Variants in RBFOX1 observed in about 807,000 individuals in gnomAD.
RBFOX1 encodes RNA binding protein fox-1 homolog 1.
A neutral mutation model predicts 57.7 loss-of-function variants in RBFOX1; 8 were observed. The ratio of observed to expected loss-of-function variants is 0.14; its 90% CI spans 0.08 to 0.25. The LOEUF is 0.25. Among genes scored for constraint, RBFOX1 ranks in the 10% least tolerant of loss-of-function variants. The probability of loss-of-function intolerance (pLI) is 1.00; values close to 1 mark genes in which losing one functional copy is unlikely to be tolerated. For synonymous variants in RBFOX1, 326 were observed against 222.4 expected, an observed-to-expected ratio of 1.47 and a Z score of -4.15; for missense variants, 611 against 548.5, an observed-to-expected ratio of 1.11 and a Z score of -1.14.
chr16:6,500,063 G>C (rs977206677), intron 2 of RBFOX1, among the ~76,000 whole-genome samples: 1 of 152,106 alleles, frequency 6.6e-6, no homozygotes, highest in Non-Finnish European at 1.5e-5. Flanking sequence ...TGTGAACCGG[G>C]TGTGAATGAT....
At chr16:5,446,529 G>A (rs536727) in intron 1 of RBFOX1, among the ~76,000 whole-genome samples, 46,346 of 151,828 alleles carry the variant, frequency 0.31, 9,663 homozygotes, top group African/African-American at 0.59. Context: ...TTTCTGGGGA[G>A]ATCAACACCC....
At chr16:7,416,252 C>T (rs1242577000) in intron 4 of RBFOX1, among the ~76,000 whole-genome samples, 1 of 152,226 alleles carries the variant, frequency 6.6e-6, no homozygotes, top group Non-Finnish European at 1.5e-5. Context: ...TCTCCCCTCG[C>T]TCTCCCTTTC....
At chr16:6,648,120 G>T (rs1228518333) in intron 2 of RBFOX1, among the ~76,000 whole-genome samples, 4 of 152,282 alleles carry the variant, frequency 2.6e-5, no homozygotes, top group East Asian at 1.9e-4. Context: ...TGGGATTACA[G>T]GCATGAGCCA....
Position 5,630,701 on chromosome 16 carries a change from A to G in RBFOX1, c.318+31740A>G, listed in dbSNP as rs140610037. ...CAAGCCGGCTTCTTATTCTTTTTCT[A>G]TCCTGATGGACGTGGGCTTGTCATT... On this transcript the variant is annotated intron_variant, in intron 3 of 19. Transcript: ENST00000641259. Among the ~76,000 whole-genome samples, 592 of 152,178 alleles carry G rather than the reference A, an allele frequency of 3.9e-3. 5 individuals are homozygous for G. Among genetic ancestry groups the G allele is most frequent in the African/African-American group, 0.013 (539 of 41,528 alleles).
chr16:7,457,913 C>T (rs1336651992), intron 4 of RBFOX1, among the ~76,000 whole-genome samples: 1 of 152,148 alleles, frequency 6.6e-6, no homozygotes, highest in African/African-American at 2.4e-5. Context: ...CGTATATTCT[C>T]AGTCCCTCCA....
Position 6,871,846 on chromosome 16 carries a change from G to A in RBFOX1, c.-15-180211G>A, listed in dbSNP as rs138747521. Among the ~76,000 whole-genome samples the A allele has an allele frequency of 4.6e-4, 70 of 151,774 alleles. No individual in the cohort carries two copies. The East Asian group carries it at 0.011, about 24-fold the overall frequency. ...AAGTGCAGTTGCTGCTTAGCCTATCGTGTCCTAAATCCGCATCTGATGGCA... is the reference window on the plus strand; with the variant it reads ...AAGTGCAGTTGCTGCTTAGCCTATCATGTCCTAAATCCGCATCTGATGGCA... On this transcript the variant is annotated intron_variant, in intron 3 of 15. Transcript: ENST00000550418.
At chr16:6,230,678 A>G (rs1210144295) in intron 1 of RBFOX1, among the ~76,000 whole-genome samples, 1 of 152,180 alleles carries the variant, frequency 6.6e-6, no homozygotes, top group Non-Finnish European at 1.5e-5. Context: ...ATAACAATTC[A>G]AGGGGACCTT....
In RBFOX1 at chr16:6,586,427, C is replaced by G. The variant is rs143361628; in HGVS notation, c.-63-68176C>G. On this transcript the variant is annotated intron_variant, in intron 2 of 15. Coordinates refer to ENST00000550418, the MANE Select transcript of RBFOX1 (RefSeq NM_018723.4). ...AATTTTGTGCATCATCCATTTGTGA[C>G]TTTCTTTTGTTCTTTCTGTTAATCA... 8.7e-4 allele frequency among the ~76,000 whole-genome samples: 133 copies of G among 152,238 alleles called. 1 individual carries two copies. Among genetic ancestry groups the G allele is most frequent in the African/African-American group, 3.0e-3 (123 of 41,540 alleles).
intron 3 of RBFOX1, among the ~76,000 whole-genome samples, chr16:7,030,260 C>T (rs945352550): frequency 6.6e-6 from 1 of 152,088 alleles, no homozygotes; most frequent in Admixed American, 6.5e-5. Context: ...AGTGGAGTGC[C>T]TCTGTTTAAT....
chr16:5,925,565 G>A (rs2058922776), intron 4 of RBFOX1, among the ~76,000 whole-genome samples: 1 of 152,142 alleles, frequency 6.6e-6, no homozygotes, highest in Non-Finnish European at 1.5e-5. Context: ...AGCAGGTAGT[G>A]GTGATGGTTG....
intron 3 of RBFOX1, among the ~76,000 whole-genome samples, chr16:5,626,326 T>C (rs1057326278): frequency 1.3e-5 from 2 of 152,220 alleles, no homozygotes; most frequent in African/African-American, 4.8e-5. Context: ...GTCTTCTCCC[T>C]GTGTCTTCAT....
chr16:7,640,634 G>A (rs1007399396), intron 11 of RBFOX1, among the ~76,000 whole-genome samples: 2 of 152,238 alleles, frequency 1.3e-5, no homozygotes, highest in Admixed American at 6.5e-5. Flanking sequence ...CAGAAAGGCA[G>A]TGAGGCAATT....
intron 13 of RBFOX1, among the ~76,000 whole-genome samples, chr16:7,676,227 G>C (rs964032056): frequency 3.3e-5 from 5 of 152,228 alleles, no homozygotes; most frequent in African/African-American, 1.2e-4. Context: ...GTAACATTTA[G>C]ACAGCTACAG....
intron 1 of RBFOX1, among the ~76,000 whole-genome samples, chr16:5,443,600 A>T (rs1220462664): frequency 6.6e-6 from 1 of 152,160 alleles, no homozygotes; most frequent in South Asian, 2.1e-4. Context: ...TTGGCCTCCC[A>T]AAGTAGTGGG....
intron 3 of RBFOX1, among the ~76,000 whole-genome samples, chr16:6,672,000 A>G (rs1279935214): frequency 1.3e-5 from 2 of 152,242 alleles, no homozygotes; most frequent in Non-Finnish European, 2.9e-5. Context: ...TGGCTTGGTC[A>G]TATGTTAACT....
At chr16:5,961,242 G>T (rs572989431) in intron 4 of RBFOX1, among the ~76,000 whole-genome samples, 1 of 151,976 alleles carries the variant, frequency 6.6e-6, no homozygotes, top group East Asian at 1.9e-4. Flanking sequence ...CACAGAGCAT[G>T]CTGAACATTT....
At chr16:6,550,847 C>T (rs1441010749) in intron 2 of RBFOX1, among the ~76,000 whole-genome samples, 3 of 152,194 alleles carry the variant, frequency 2.0e-5, no homozygotes, top group Non-Finnish European at 4.4e-5. Flanking sequence ...CAATGCCTGG[C>T]CCTAAATAGA....
At chr16:6,640,659 G>T (rs888183189) in intron 2 of RBFOX1, among the ~76,000 whole-genome samples, 2 of 152,050 alleles carry the variant, frequency 1.3e-5, no homozygotes, top group African/African-American at 4.8e-5. Context: ...AGCCAGTGTG[G>T]GAAGTAGGTA....
At chr16:5,721,821 G>C (rs936275724) in intron 3 of RBFOX1, among the ~76,000 whole-genome samples, 1 of 152,104 alleles carries the variant, frequency 6.6e-6, no homozygotes. Context: ...CTTCGCAAAG[G>C]GCTTGTAACT....
Sources: allele counts gnomAD v4.1 joint callset (sites outside exome capture counted in the v4.1 genomes callset), GRCh38; gene constraint gnomAD v4.1.1; transcripts MANE v1.5; gene names NCBI Gene and HGNC (gene_info 2026-07-23, HGNC 2026-07-21).